GDPD5: variants seen among roughly 807,000 people sequenced by gnomAD.
The protein encoded by GDPD5 is glycerophosphodiester phosphodiesterase domain containing 5.
GDPD5 carries 48 observed loss-of-function variants against 75.1 expected under a neutral mutation model. The ratio of observed to expected loss-of-function variants is 0.64; its 90% confidence interval spans 0.51 to 0.81. GDPD5 has a LOEUF of 0.81. GDPD5 is among the 40% of genes least tolerant of loss of function. The probability of loss-of-function intolerance (pLI) is 0.00; values close to 1 mark genes in which losing one functional copy is unlikely to be tolerated. For synonymous variants in GDPD5, 336 were observed against 339.0 expected, an observed-to-expected ratio of 0.99 and a Z score of 0.10; for missense variants, 706 against 822.6, an observed-to-expected ratio of 0.86 and a Z score of 1.73.
At chr11:75,503,303 G>C (rs766212007) in intron 1 of GDPD5, among the ~76,000 whole-genome samples, 31 of 152,254 alleles carry the variant, frequency 2.0e-4, no homozygotes, top group Non-Finnish European at 4.3e-4. Flanking sequence ...TTACAGGCAT[G>C]AGCCACCACG....
At chr11:75,469,594 C>A (rs1226753892) in intron 3 of GDPD5, among the ~76,000 whole-genome samples, 2 of 152,222 alleles carry the variant, frequency 1.3e-5, no homozygotes, top group Non-Finnish European at 2.9e-5. Flanking sequence ...CCCAAGGTCA[C>A]ACTTTGAGTC....
At chr11:75,523,996 C>A (rs1217477468) in intron 1 of GDPD5, among the ~76,000 whole-genome samples, 1 of 152,238 alleles carries the variant, frequency 6.6e-6, no homozygotes, top group Non-Finnish European at 1.5e-5. Context: ...CCCTCCCCGT[C>A]CCCACACAGA....
Position 75,449,884 on chromosome 11 carries a change from C to T in GDPD5, c.474+1G>A. 1.2e-6 allele frequency: 2 copies of T among 1,613,238 alleles called. No homozygotes were observed. Among genetic ancestry groups the T allele is most frequent in the Non-Finnish European group, 1.7e-6 (2 of 1,179,550 alleles). On this transcript the variant is annotated splice_donor_variant, in intron 7 of 16. Coordinates refer to ENST00000336898, the MANE Select transcript of GDPD5 (RefSeq NM_030792.8). LOFTEE classifies it high-confidence loss of function. ...GGTCCTGGGGGACCCTCCTCACTCA[C>T]CTGCAGGGAGATCAGCAGCACCTCC...
At position 75,462,808 on chromosome 11, in the gene GDPD5, T is replaced by C; in HGVS notation, c.199A>G (p.Asn67Asp). ...CACCAGTTGAATTCATCATAGTCAT[T>C]GTGGACTTCCCACCAGAAGTAAAGC... ...TWLYFWWEVH[N>D]DYDEFNWYLY... is the part of the protein sequence containing the mutation. The change falls in exon 4 of 17, where the codon AAT becomes GAT. Residue 67 changes from asparagine to aspartate, a missense_variant. Coordinates refer to ENST00000336898, the MANE Select transcript of GDPD5 (RefSeq NM_030792.8). 2 of 1,613,994 alleles carry C rather than the reference T, an allele frequency of 1.2e-6. No homozygotes were observed. Among genetic ancestry groups the C allele is most frequent in the Non-Finnish European group, 1.7e-6 (2 of 1,179,902 alleles).
intron 2 of GDPD5, among the ~76,000 whole-genome samples, chr11:75,480,227 C>T (rs375927118): frequency 5.1e-4 from 78 of 151,548 alleles, no homozygotes; most frequent in African/African-American, 1.7e-3. Context: ...CCCAGCTACT[C>T]GGGAGGCTGA....
chr11:75,474,023 G>A (rs1453860677), intron 3 of GDPD5, among the ~76,000 whole-genome samples: 1 of 152,206 alleles, frequency 6.6e-6, no homozygotes, highest in African/African-American at 2.4e-5. Context: ...TTTGTTGATT[G>A]AATAAGTAAT....
At chr11:75,458,413 C>T (rs977080009) in intron 4 of GDPD5, among the ~76,000 whole-genome samples, 2 of 152,220 alleles carry the variant, frequency 1.3e-5, no homozygotes, top group Admixed American at 1.3e-4. Context: ...GTGGCTCACG[C>T]CTGTAATCCC....
rs530687891 is a variant in GDPD5 at position 75,444,761 on chromosome 11, T to A, written c.715-266A>T. On this transcript the variant is annotated intron_variant, in intron 9 of 16. Coordinates refer to ENST00000336898, the MANE Select transcript of GDPD5 (RefSeq NM_030792.8). ...TGTTGATGCATATAAATGCCTGACATGTAGCTAGCACTTGACACATGGTAG... is the reference window on the plus strand; with the variant it reads ...TGTTGATGCATATAAATGCCTGACAAGTAGCTAGCACTTGACACATGGTAG... Among the ~76,000 whole-genome samples the A allele has an allele frequency of 3.3e-5, 5 of 152,288 alleles. No individual in the cohort carries two copies. In the South Asian group the frequency reaches 8.3e-4, roughly 25 times the overall value.
At chr11:75,518,596 C>T (rs1565226482) in intron 1 of GDPD5, among the ~76,000 whole-genome samples, 1 of 152,314 alleles carries the variant, frequency 6.6e-6, no homozygotes, top group Admixed American at 6.5e-5. Flanking sequence ...GCTGCCCTTC[C>T]CACCTCTGAA....
rs116300883 is a variant in GDPD5, at chr11:75,476,139, C to T, written c.117+1480G>A. The stretch of plus-strand genomic sequence containing the variant: ...CTCCCCACCCCATTCACACCAGTGG[C>T]TGCTGGACCTCCATTGCCCAGGTCC... On this transcript the variant is annotated intron_variant, in intron 3 of 16. Transcript: ENST00000336898. Among the ~76,000 whole-genome samples, 1,130 of 152,318 alleles carry T rather than the reference C, an allele frequency of 7.4e-3. 20 individuals carry two copies. Among genetic ancestry groups the T allele is most frequent in the African/African-American group, 0.026 (1,063 of 41,566 alleles).
intron 3 of GDPD5, among the ~76,000 whole-genome samples, chr11:75,475,238 C>A (rs1949753495): frequency 6.6e-6 from 1 of 152,212 alleles, no homozygotes; most frequent in Non-Finnish European, 1.5e-5. Context: ...TCGGGTTTCA[C>A]AGGAGTTGAA....
At chr11:75,521,064 C>T (rs1488917231) in intron 1 of GDPD5, among the ~76,000 whole-genome samples, 1 of 152,244 alleles carries the variant, frequency 6.6e-6, no homozygotes, top group African/African-American at 2.4e-5. Flanking sequence ...CCTCCTCCCT[C>T]CAGGGTCACG....
rs148213461 is a variant in GDPD5 at position 75,506,121 on chromosome 11, C to G, written c.-144-15801G>C. Among the ~76,000 whole-genome samples the G allele has an allele frequency of 2.1e-3, 324 of 152,298 alleles. 1 individual carries two copies. Among genetic ancestry groups the G allele is most frequent in the Middle Eastern group, 6.8e-3 (2 of 294 alleles). Reference sequence around the variant, plus strand: ...TCAGATATGGCAAGAGCACAAAATGCTGAGCCAAGGGCTTGGCACACAGTA... The same window carrying G: ...TCAGATATGGCAAGAGCACAAAATGGTGAGCCAAGGGCTTGGCACACAGTA... On this transcript the variant is annotated intron_variant, in intron 1 of 16. Transcript: ENST00000336898.
intron 1 of GDPD5, among the ~76,000 whole-genome samples, chr11:75,498,085 G>T (rs1399432961): frequency 6.6e-6 from 1 of 151,910 alleles, no homozygotes; most frequent in Non-Finnish European, 1.5e-5. Flanking sequence ...GGTCTGTTGT[G>T]GGGGGCTGGT....
intron 14 of GDPD5, 39 bp downstream of exon 14, chr11:75,441,124 C>G (rs1379267485): frequency 6.2e-7 from 1 of 1,600,546 alleles, no homozygotes; most frequent in South Asian, 1.1e-5. Flanking sequence ...TAGGCAGCTC[C>G]AGCACTGCCC....
At chr11:75,456,019 T>G (rs929275730) in intron 6 of GDPD5, among the ~76,000 whole-genome samples, 4 of 152,090 alleles carry the variant, frequency 2.6e-5, no homozygotes, top group Non-Finnish European at 4.4e-5. Context: ...TGTTCAGACA[T>G]GTAGCAGGGG....
At chr11:75,455,897 G>T (rs757795812) in intron 6 of GDPD5, among the ~76,000 whole-genome samples, 1 of 152,238 alleles carries the variant, frequency 6.6e-6, no homozygotes, top group East Asian at 1.9e-4. Flanking sequence ...AGCCCTGAGG[G>T]GGGGCACTGG....
At chr11:75,470,589 A>G (rs1949639633) in intron 3 of GDPD5, among the ~76,000 whole-genome samples, 1 of 152,226 alleles carries the variant, frequency 6.6e-6, no homozygotes, top group Non-Finnish European at 1.5e-5. Context: ...GAGAGGTTTA[A>G]AAGCCTTATC....
At chr11:75,463,380 A>C (rs1369864405) in intron 3 of GDPD5, among the ~76,000 whole-genome samples, 2 of 152,160 alleles carry the variant, frequency 1.3e-5, no homozygotes, top group Non-Finnish European at 2.9e-5. Context: ...TTAAGGAAGA[A>C]GTACAGAAGT....
Sources: gnomAD v4.1 joint callset for allele counts (sites outside exome capture counted in the v4.1 genomes callset) on GRCh38, gnomAD v4.1.1 for gene constraint, MANE v1.5 for transcripts, NCBI Gene and HGNC (gene_info 2026-07-23, HGNC 2026-07-21) for gene names.